The following SLC14A1 variants were observed in gnomAD, a reference collection of about 807,000 sequenced individuals.
SLC14A1 encodes solute carrier family 14 member 1 (Kidd blood group).
Under a neutral mutation model 39.6 loss-of-function variants are expected in SLC14A1, and 36 were observed. That is an observed-to-expected ratio of 0.91 (90% CI 0.70 to 1.20). SLC14A1 has a LOEUF of 1.20. SLC14A1 is among the 50% of genes most tolerant of loss of function. The pLI is 0.00. For synonymous variants in SLC14A1, 164 were observed against 173.6 expected, an observed-to-expected ratio of 0.94 and a Z score of 0.43; for missense variants, 469 against 478.7, an observed-to-expected ratio of 0.98 and a Z score of 0.19.
intron 5 of SLC14A1, among the ~76,000 whole-genome samples, chr18:45,735,536 A>T (rs2047169237): frequency 6.6e-6 from 1 of 152,134 alleles, no homozygotes; most frequent in Non-Finnish European, 1.5e-5. Context: ...GGAAACAAAG[A>T]TTTCCTTCTT....
In SLC14A1 at chr18:45,752,189, A is replaced by G. The variant is rs1019502909; in HGVS notation, c.*2238A>G. 19 of 985,304 alleles carry G rather than the reference A, an allele frequency of 1.9e-5. No homozygotes were observed. Among genetic ancestry groups the G allele is most frequent in the Non-Finnish European group, 1.9e-5 (16 of 829,944 alleles). The allele number at this position is 985,304 out of a possible 1,614,324, so 61.0% of individuals were successfully genotyped here. A position where few individuals can be genotyped will look rare whatever the true frequency, so the allele number is the denominator to read the frequency against. ...CCCTTTCTTGTTAGGGAACGTGTGA[A>G]AGAAGAATTGTGGGGAAAAAAAAGC... On this transcript the variant is annotated 3_prime_UTR_variant, in exon 10 of 10. Transcript: ENST00000321925.
In SLC14A1 at chr18:45,742,007, T is replaced by C. The variant is rs117079109; in HGVS notation, c.946+2345T>C. On this transcript the variant is annotated intron_variant, in intron 8 of 9. Transcript: ENST00000321925. ...AGGGGTTTAGAAGCTTTAGGTCCCA[T>C]GCAGTTCCTGCACAGAGTGTTACAA... Among the ~76,000 whole-genome samples the C allele has an allele frequency of 5.4e-4, 83 of 152,302 alleles. No homozygotes were observed. The East Asian group carries it at 0.015, about 28-fold the overall frequency.
chr18:45,736,268 T>C (rs1179530632), intron 5 of SLC14A1, among the ~76,000 whole-genome samples, 188 bp from the exon 6 acceptor site: 1 of 152,208 alleles, frequency 6.6e-6, no homozygotes, highest in East Asian at 1.9e-4. Flanking sequence ...AGTTGATTTT[T>C]TACTTTATGT....
intron 2 of SLC14A1, chr18:45,730,081 GA>G: frequency 2.1e-6 from 1 of 473,508 alleles, no homozygotes. Flanking sequence ...TTAAAGACCA[GA>G]ACATTCTCAT....
In SLC14A1 at chr18:45,731,224, C is replaced by A; in HGVS notation, c.341+20C>A. The A allele has an allele frequency of 2.5e-6, 4 of 1,611,334 alleles. No individual in the cohort carries two copies. Among genetic ancestry groups the A allele is most frequent in the Non-Finnish European group, 8.5e-7 (1 of 1,178,662 alleles). On this transcript the variant is annotated intron_variant, in intron 4 of 9. Transcript: ENST00000321925. ...GGACAGGTAGGTGTACCCTTTCAAG[C>A]CTTCTCAGCTCCCTTCTGAGACACA...
At chr18:45,740,240 C>T (rs1303259516) in intron 8 of SLC14A1, among the ~76,000 whole-genome samples, 1 of 152,170 alleles carries the variant, frequency 6.6e-6, no homozygotes, top group African/African-American at 2.4e-5. Context: ...ATAACTCCAG[C>T]TAAATACAGA....
At chr18:45,747,233 C>T in intron 8 of SLC14A1, 1 of 152,214 alleles carries the variant, frequency 6.6e-6, no homozygotes, top group Non-Finnish European at 1.5e-5. Context: ...CCCATGAAAC[C>T]TGAGGGCTTC....
intron 2 of SLC14A1, chr18:45,729,864 G>C (rs2046978427): frequency 6.5e-6 from 1 of 153,464 alleles, no homozygotes; most frequent in African/African-American, 2.4e-5. Flanking sequence ...GCCTGCATTG[G>C]TGAGCAGGCC....
intron 8 of SLC14A1, among the ~76,000 whole-genome samples, chr18:45,741,603 T>C (rs990750280): frequency 1.3e-5 from 2 of 152,200 alleles, no homozygotes; most frequent in African/African-American, 4.8e-5. Context: ...GATGTAGCCA[T>C]GTAGATGTCA....
At chr18:45,748,909 G>A (rs2047630460) in intron 9 of SLC14A1, among the ~76,000 whole-genome samples, 2 of 152,150 alleles carry the variant, frequency 1.3e-5, no homozygotes. Flanking sequence ...GAGACACAGT[G>A]TCTTTCTGGT....
chr18:45,740,316 A>C (rs949778847), intron 8 of SLC14A1, among the ~76,000 whole-genome samples: 2 of 152,220 alleles, frequency 1.3e-5, no homozygotes, highest in African/African-American at 4.8e-5. Context: ...ACAGTAACCC[A>C]GCCATTCTAA....
At chr18:45,734,191 C>G in intron 4 of SLC14A1, 83 bp from the exon 5 acceptor site, 1 of 1,509,816 alleles carries the variant, frequency 6.6e-7, no homozygotes, top group East Asian at 2.3e-5. Context: ...TGAATATGAT[C>G]TGGAAGTTAC....
At position 45,736,508 on chromosome 18, in the gene SLC14A1, G is replaced by A. The variant is rs138222201; in HGVS notation, c.523G>A (p.Val175Ile). 2.1e-4 allele frequency: 332 copies of A among 1,613,930 alleles called. No individual in the cohort carries two copies. In the African/African-American group the frequency reaches 3.7e-3, roughly 18 times the overall value. Residue 175 changes from valine (V) to isoleucine (I), a missense_variant, in exon 6 of 10, where the codon GTC becomes ATC. Transcript: ENST00000321925. Reference sequence around the variant, plus strand: ...CATGCTCAGCAAATGGGACCTCCCCGTCTTCACCCTCCCTTTCAACATGGC... The same window carrying A: ...CATGCTCAGCAAATGGGACCTCCCCATCTTCACCCTCCCTTTCAACATGGC... ...NSMLSKWDLPVFTLPFNMALS... is the reference protein window; with the variant it reads ...NSMLSKWDLPIFTLPFNMALS...
rs531186971 is a variant in SLC14A1 at position 45,751,491 on chromosome 18, A to C, written c.*1540A>C. 1.6e-4 allele frequency: 155 copies of C among 984,868 alleles called. No homozygotes were observed. The highest frequency in any genetic ancestry group is 1.0e-3 in the Middle Eastern group (2 of 1,908). The allele number at this position is 984,868 out of a possible 1,614,324, so 61.0% of individuals were successfully genotyped here. ...CCAAACATACTGAAGACAGCAACAG[A>C]AGTCACGTTCAGGGACTGGCTCACA... On this transcript the variant is annotated 3_prime_UTR_variant, in exon 10 of 10. Coordinates refer to ENST00000321925, the MANE Select transcript of SLC14A1 (RefSeq NM_015865.7).
Position 45,751,384 on chromosome 18 carries a change from C to T in SLC14A1, c.*1433C>T. On this transcript the variant is annotated 3_prime_UTR_variant, in exon 10 of 10. Coordinates refer to ENST00000321925, the MANE Select transcript of SLC14A1 (RefSeq NM_015865.7). ...AAACAAAAACAAAAACAAAACAAAA[C>T]AAAACAAAACAAAACAGGTAAGGAT... 1 of 894,872 alleles carries T rather than the reference C, an allele frequency of 1.1e-6. No individual in the cohort carries two copies. Among genetic ancestry groups the T allele is most frequent in the Non-Finnish European group, 1.3e-6 (1 of 751,454 alleles). 55.4% of individuals were successfully genotyped at this position (894,872 alleles called of 1,614,324 possible).
intron 2 of SLC14A1, among the ~76,000 whole-genome samples, chr18:45,726,323 AAAC>A (rs1236889616): frequency 6.6e-6 from 1 of 152,222 alleles, no homozygotes; most frequent in Non-Finnish European, 1.5e-5. Flanking sequence ...AAAACAGAAT[AAAC>A]AACAGGGGGA....
At position 45,750,893 on chromosome 18, in the gene SLC14A1, T is replaced by C. The variant is rs1053083148; in HGVS notation, c.*942T>C. On this transcript the variant is annotated 3_prime_UTR_variant, in exon 10 of 10. Coordinates refer to ENST00000321925, the MANE Select transcript of SLC14A1 (RefSeq NM_015865.7). ...CTTTAAAATCATATTTTTTATTCATTTGAGGATGTCTTATAAAGACTGAAG... is the reference window on the plus strand; with the variant it reads ...CTTTAAAATCATATTTTTTATTCATCTGAGGATGTCTTATAAAGACTGAAG... 71 of 985,200 alleles carry C rather than the reference T, an allele frequency of 7.2e-5. No homozygotes were observed. The highest frequency in any genetic ancestry group is 8.2e-5 in the Non-Finnish European group (68 of 829,846). The allele number at this position is 985,200 out of a possible 1,614,324, so 61.0% of individuals were successfully genotyped here. A position where few individuals can be genotyped will look rare whatever the true frequency, so the allele number is the denominator to read the frequency against.
Position 45,751,639 on chromosome 18 carries a change from C to A in SLC14A1, c.*1688C>A. On this transcript the variant is annotated 3_prime_UTR_variant, in exon 10 of 10. Coordinates refer to ENST00000321925, the MANE Select transcript of SLC14A1 (RefSeq NM_015865.7). Reference sequence around the variant, plus strand: ...AAAAAATAAAAATAGTAACATTAGCCAGGTGTAGCAGCACACATCTGCAGC... The same window carrying A: ...AAAAAATAAAAATAGTAACATTAGCAAGGTGTAGCAGCACACATCTGCAGC... 4.0e-6 allele frequency: 2 copies of A among 494,020 alleles called. No individual in the cohort carries two copies. The highest frequency in any genetic ancestry group is 5.2e-6 in the Non-Finnish European group (2 of 381,808). The allele number at this position is 494,020 out of a possible 1,614,324, so 30.6% of individuals were successfully genotyped here.
At chr18:45,732,982 T>A (rs867938598) in intron 4 of SLC14A1, among the ~76,000 whole-genome samples, 14 of 152,232 alleles carry the variant, frequency 9.2e-5, no homozygotes, top group African/African-American at 2.9e-4. Context: ...ACCAATATCC[T>A]AAGTGAATTA....
Sources: gnomAD v4.1 joint callset for allele counts (sites outside exome capture counted in the v4.1 genomes callset) on GRCh38, gnomAD v4.1.1 for gene constraint, MANE v1.5 for transcripts, NCBI Gene and HGNC (gene_info 2026-07-23, HGNC 2026-07-21) for gene names.